Variants in SPATA6 observed in about 807,000 individuals in gnomAD.
The protein encoded by SPATA6 is spermatogenesis-associated protein 6.
In SPATA6, 56 loss-of-function variants were observed where a neutral mutation model predicts 65.3. That is an observed-to-expected ratio of 0.86 (90% CI 0.69 to 1.07). The LOEUF (loss-of-function observed/expected upper bound fraction) is 1.07, where lower values mean the gene tolerates loss of function less well. SPATA6 is among the 50% of genes least tolerant of loss of function. SPATA6 has a pLI of 0.00. For missense variants in SPATA6, 590 were observed against 594.8 expected, an observed-to-expected ratio of 0.99 and a Z score of 0.08; for synonymous variants, 199 against 213.2, an observed-to-expected ratio of 0.93 and a Z score of 0.58.
intron 12 of SPATA6, among the ~76,000 whole-genome samples, chr1:48,299,527 A>AAAAAAAAAAAAAAAAAC (rs1644883179): frequency 6.7e-6 from 1 of 149,374 alleles, no homozygotes; most frequent in Non-Finnish European, 1.5e-5. Context: ...AAAAAAAAAA[A>AAAAAAAAAAAAAAAAAC]AAAAAAAAAA....
intron 3 of SPATA6, among the ~76,000 whole-genome samples, chr1:48,440,405 G>A (rs1655347185): frequency 6.6e-6 from 1 of 152,148 alleles, no homozygotes; most frequent in African/African-American, 2.4e-5. Flanking sequence ...AAAAGAATGT[G>A]GCTTTAGCTG....
intron 11 of SPATA6, among the ~76,000 whole-genome samples, chr1:48,348,480 C>T (rs965846054): frequency 1.3e-5 from 2 of 152,004 alleles, no homozygotes; most frequent in South Asian, 2.1e-4. Flanking sequence ...ATCCTGTTGA[C>T]ATGCCCCCTC....
intron 5 of SPATA6, among the ~76,000 whole-genome samples, chr1:48,407,611 C>A (rs565879022): frequency 1.3e-5 from 2 of 152,260 alleles, no homozygotes; most frequent in Admixed American, 6.5e-5. Context: ...GCATCCCAGG[C>A]AAGAATGTTA....
the SPATA6 span, among the ~76,000 whole-genome samples, chr1:48,281,168 T>C: frequency 1.3e-5 from 2 of 152,136 alleles, no homozygotes; most frequent in Non-Finnish European, 2.9e-5. Context: ...AAATTAAGTA[T>C]TGATGGGATG....
At chr1:48,400,801 T>C (rs1396776215) in intron 6 of SPATA6, 5 of 1,297,158 alleles carry the variant, frequency 3.9e-6, no homozygotes, top group Non-Finnish European at 5.1e-6. Flanking sequence ...CCATCTTTCC[T>C]TCTTCTGTAG....
chr1:48,344,728 GT>G (rs955204730), intron 11 of SPATA6, among the ~76,000 whole-genome samples: 2 of 152,084 alleles, frequency 1.3e-5, no homozygotes, highest in Non-Finnish European at 2.9e-5. Context: ...TGCGATTCTA[GT>G]TTCTAACAAA....
intron 9 of SPATA6, among the ~76,000 whole-genome samples, chr1:48,362,921 C>G (rs1173140238): frequency 6.6e-6 from 1 of 152,080 alleles, no homozygotes; most frequent in East Asian, 1.9e-4. Flanking sequence ...CAACAGTATT[C>G]AAGATTTATT....
At chr1:48,372,528 T>G (rs1379895719) in intron 9 of SPATA6, among the ~76,000 whole-genome samples, 3 of 152,216 alleles carry the variant, frequency 2.0e-5, no homozygotes, top group African/African-American at 7.2e-5. Context: ...CTGTGGCTTT[T>G]GCAGGCGCAT....
intron 9 of SPATA6, among the ~76,000 whole-genome samples, chr1:48,378,467 T>C (rs1648177631): frequency 6.6e-6 from 1 of 152,178 alleles, no homozygotes; most frequent in African/African-American, 2.4e-5. Flanking sequence ...TCACTGCTGA[T>C]AAAGACATAC....
intron 3 of SPATA6, among the ~76,000 whole-genome samples, chr1:48,413,795 A>T (rs574508986): frequency 6.6e-6 from 1 of 152,280 alleles, no homozygotes; most frequent in Admixed American, 6.5e-5. Flanking sequence ...CATTACTAGG[A>T]ACATAGTTGA....
At chr1:48,436,117 T>A in intron 3 of SPATA6, 3 of 1,610,204 alleles carry the variant, frequency 1.9e-6, no homozygotes, top group Non-Finnish European at 2.5e-6. Flanking sequence ...TGAAGTACTA[T>A]GTTCCACCAA....
At chr1:48,352,310 A>C (rs1646533690) in intron 11 of SPATA6, among the ~76,000 whole-genome samples, 1 of 152,074 alleles carries the variant, frequency 6.6e-6, no homozygotes, top group Non-Finnish European at 1.5e-5. Flanking sequence ...TGGGAATTCA[A>C]GATGAGACTT....
intron 8 of SPATA6, among the ~76,000 whole-genome samples, chr1:48,394,974 G>A (rs113110658): frequency 6.6e-6 from 1 of 151,886 alleles, no homozygotes; most frequent in African/African-American, 2.4e-5. Context: ...TTGAGTAAAA[G>A]TAAATTAATC....
At chr1:48,452,785 GA>G (rs1446473624) in intron 2 of SPATA6, among the ~76,000 whole-genome samples, 1 of 151,976 alleles carries the variant, frequency 6.6e-6, no homozygotes, top group Non-Finnish European at 1.5e-5. Flanking sequence ...TCAATTTTAG[GA>G]ATAAGCTAAT....
At chr1:48,430,910 T>C (rs1654341394) in intron 3 of SPATA6, among the ~76,000 whole-genome samples, 1 of 151,990 alleles carries the variant, frequency 6.6e-6, no homozygotes, top group South Asian at 2.1e-4. Context: ...CAAAATGAAA[T>C]AAGTCTCTAT....
At chr1:48,448,903 T>G (rs1210911606) in intron 3 of SPATA6, among the ~76,000 whole-genome samples, 2 of 152,050 alleles carry the variant, frequency 1.3e-5, no homozygotes, top group African/African-American at 4.8e-5. Context: ...TGACTGCAAA[T>G]AGGTATCAGG....
the SPATA6 span, among the ~76,000 whole-genome samples, chr1:48,286,310 A>G: frequency 6.6e-6 from 1 of 152,098 alleles, no homozygotes; most frequent in African/African-American, 2.4e-5. Context: ...ATCCATAAAC[A>G]TAGGATGTCT....
In SPATA6 at chr1:48,472,182, G is replaced by A. The variant is rs567816963; in HGVS notation, c.-174C>T. 12 of 547,250 alleles carry A rather than the reference G, an allele frequency of 2.2e-5. No homozygotes were observed. The highest frequency in any genetic ancestry group is 3.8e-5 in the Non-Finnish European group (12 of 319,718). 33.9% of individuals were successfully genotyped at this position (547,250 alleles called of 1,614,324 possible). A position where few individuals can be genotyped will look rare whatever the true frequency, so the allele number is the denominator to read the frequency against. ...GGTTCCGCCGGAGAAGCAGCTGAGCGCGGGGCGCAGACTCGTTGTCATGGC... is the reference window on the plus strand; with the variant it reads ...GGTTCCGCCGGAGAAGCAGCTGAGCACGGGGCGCAGACTCGTTGTCATGGC... On this transcript the variant is annotated 5_prime_UTR_variant, in exon 1 of 13. Transcript: ENST00000371847.
intron 9 of SPATA6, among the ~76,000 whole-genome samples, chr1:48,360,976 A>T (rs1021125579): frequency 2.0e-5 from 3 of 152,218 alleles, no homozygotes; most frequent in Non-Finnish European, 4.4e-5. Flanking sequence ...AATTGTAAGC[A>T]TAGAAAATTA....
Sources: gnomAD v4.1 joint callset for allele counts (sites outside exome capture counted in the v4.1 genomes callset) on GRCh38, gnomAD v4.1.1 for gene constraint, MANE v1.5 for transcripts, NCBI Gene and HGNC (gene_info 2026-07-23, HGNC 2026-07-21) for gene names.